Variants in PHTF1 observed in about 807,000 individuals in gnomAD.
PHTF1 encodes protein PHTF1.
A neutral mutation model predicts 102.4 loss-of-function variants in PHTF1; 88 were observed. The ratio of observed to expected loss-of-function variants is 0.86; its 90% CI spans 0.72 to 1.03. The LOEUF (loss-of-function observed/expected upper bound fraction) is 1.03. Among genes scored for constraint, PHTF1 ranks in the 50% least tolerant of loss-of-function variants. The pLI is 0.00. For synonymous variants in PHTF1, 289 were observed against 305.2 expected, an observed-to-expected ratio of 0.95 and a Z score of 0.55; for missense variants, 814 against 909.5, an observed-to-expected ratio of 0.89 and a Z score of 1.35.
chr1:113,718,623 C>T (rs1652442029), intron 7 of PHTF1, among the ~76,000 whole-genome samples: 1 of 152,230 alleles, frequency 6.6e-6, no homozygotes, highest in South Asian at 2.1e-4. Context: ...GCAGAGGTTC[C>T]CAAACCTCAA....
intron 7 of PHTF1, among the ~76,000 whole-genome samples, chr1:113,719,587 C>G (rs1652597244): frequency 6.6e-6 from 1 of 152,208 alleles, no homozygotes; most frequent in South Asian, 2.1e-4. Context: ...TCTGTTACCA[C>G]CTCAGCCTAG....
chr1:113,757,044 G>C (rs532982906), intron 3 of PHTF1, among the ~76,000 whole-genome samples: 5 of 152,260 alleles, frequency 3.3e-5, no homozygotes, highest in South Asian at 2.1e-4. Context: ...GTGGGCGCCT[G>C]TAGTCCCAGC....
At chr1:113,720,005 T>C (rs1652661610) in intron 7 of PHTF1, among the ~76,000 whole-genome samples, 1 of 152,136 alleles carries the variant, frequency 6.6e-6, no homozygotes, top group African/African-American at 2.4e-5. Context: ...TTGTGAGACT[T>C]ATTCACTATC....
chr1:113,747,949 T>A (rs1416735362), intron 3 of PHTF1, among the ~76,000 whole-genome samples: 1 of 152,184 alleles, frequency 6.6e-6, no homozygotes, highest in Non-Finnish European at 1.5e-5. Flanking sequence ...TGATAATGTT[T>A]CTCAGTGCTG....
chr1:113,740,301 T>C (rs867001781), intron 3 of PHTF1, among the ~76,000 whole-genome samples: 12 of 152,190 alleles, frequency 7.9e-5, no homozygotes, highest in South Asian at 6.2e-4. Flanking sequence ...GCGGTTTTGA[T>C]TTGCATTTCC....
At chr1:113,736,234 C>T (rs1327761875) in intron 5 of PHTF1, among the ~76,000 whole-genome samples, 1 of 150,364 alleles carries the variant, frequency 6.7e-6, no homozygotes, top group Non-Finnish European at 1.5e-5. Context: ...CCCAGCTACT[C>T]GGGAGGCTGA....
chr1:113,700,235 A>G, intron 16 of PHTF1: 1 of 813,014 alleles, frequency 1.2e-6, no homozygotes, highest in Non-Finnish European at 1.5e-6. Flanking sequence ...AGAATTCTCC[A>G]TTACGATTCT....
chr1:113,721,354 T>G (rs1188476451), intron 7 of PHTF1, among the ~76,000 whole-genome samples: 1 of 152,006 alleles, frequency 6.6e-6, no homozygotes, highest in Non-Finnish European at 1.5e-5. Flanking sequence ...GGAACATACC[T>G]CAAAACAATA....
Position 113,738,226 on chromosome 1 carries a change from G to GATGT in PHTF1, c.211_214dup (p.Ser72TyrfsTer57). The GATGT allele has an allele frequency of 6.2e-7, 1 of 1,613,774 alleles. No individual in the cohort carries two copies. Among genetic ancestry groups the GATGT allele is most frequent in the Admixed American group, 1.7e-5 (1 of 60,000 alleles). On this transcript the variant is annotated frameshift_variant, in exon 5 of 19. Coordinates refer to ENST00000369604, the MANE Select transcript of PHTF1 (RefSeq NM_001323043.2). LOFTEE classifies it high-confidence loss of function. Reference sequence around the variant, plus strand: ...TCGAACAAGCCCCTTCCGAGTCAGAGATGTCCATGGAATTTCAGGTTTTGC... The same window carrying GATGT: ...TCGAACAAGCCCCTTCCGAGTCAGAGATGTATGTCCATGGAATTTCAGGTTTTGC...
At chr1:113,699,148 G>A in intron 17 of PHTF1, 1 of 187,114 alleles carries the variant, frequency 5.3e-6, no homozygotes, top group Non-Finnish European at 1.1e-5. Context: ...GGCCAAGACA[G>A]TACCAACGCC....
At chr1:113,731,672 T>A (rs1431993379) in intron 5 of PHTF1, among the ~76,000 whole-genome samples, 1 of 151,632 alleles carries the variant, frequency 6.6e-6, no homozygotes, top group East Asian at 1.9e-4. Flanking sequence ...GGCGGAAGGG[T>A]CACCTGAGGT....
At chr1:113,735,820 T>C (rs888427148) in intron 5 of PHTF1, among the ~76,000 whole-genome samples, 2 of 152,230 alleles carry the variant, frequency 1.3e-5, no homozygotes, top group African/African-American at 4.8e-5. Context: ...CATAATTCTT[T>C]CACCTTAACC....
intron 3 of PHTF1, among the ~76,000 whole-genome samples, chr1:113,739,929 A>G (rs1383552973): frequency 6.6e-6 from 1 of 152,244 alleles, no homozygotes; most frequent in Admixed American, 6.5e-5. Context: ...TCTTACAGCT[A>G]AATAGTATTC....
intron 5 of PHTF1, among the ~76,000 whole-genome samples, chr1:113,734,233 C>CTGGG (rs1308036420): frequency 1.8e-4 from 28 of 152,242 alleles, no homozygotes; most frequent in African/African-American, 5.3e-4. Flanking sequence ...GTACTTCAGC[C>CTGGG]TGGGCAACAG....
chr1:113,730,456 C>T (rs1053596249), intron 5 of PHTF1, among the ~76,000 whole-genome samples: 3 of 152,102 alleles, frequency 2.0e-5, no homozygotes, highest in Admixed American at 6.5e-5. Context: ...TATCATTTAA[C>T]GTTACTCTGA....
At chr1:113,742,576 G>A (rs1437803975) in intron 3 of PHTF1, among the ~76,000 whole-genome samples, 4 of 151,962 alleles carry the variant, frequency 2.6e-5, no homozygotes, top group Non-Finnish European at 4.4e-5. Context: ...AGCCAAGATC[G>A]CGCCATTGCA....
chr1:113,697,732 G>A lies in PHTF1; in HGVS notation c.2269-7C>T, dbSNP rs370804267. 29 of 1,601,786 alleles carry A rather than the reference G, an allele frequency of 1.8e-5. No homozygotes were observed. In the African/African-American group the frequency reaches 3.5e-4, roughly 19 times the overall value. On this transcript the variant is annotated splice_region_variant and splice_polypyrimidine_tract_variant and intron_variant, in intron 18 of 18. Coordinates refer to ENST00000369604, the MANE Select transcript of PHTF1 (RefSeq NM_001323043.2). Reference sequence around the variant, plus strand: ...ATGATTTAATTTTCCACAGCTAAGAGAACAAAATCACCAAAATAAGTTAGT... The same window carrying A: ...ATGATTTAATTTTCCACAGCTAAGAAAACAAAATCACCAAAATAAGTTAGT...
intron 2 of PHTF1, 149 bp downstream of exon 2, chr1:113,758,510 A>C: frequency 2.3e-6 from 1 of 443,064 alleles, no homozygotes; most frequent in Non-Finnish European, 3.9e-6. Context: ...ATGACCTTGT[A>C]CATCTTTTTT....
intron 11 of PHTF1, among the ~76,000 whole-genome samples, chr1:113,709,826 T>C (rs531214156): frequency 2.0e-5 from 3 of 152,334 alleles, no homozygotes; most frequent in South Asian, 2.1e-4. Context: ...GACTTTATGA[T>C]ATTAATATAA....
Sources: allele counts gnomAD v4.1 joint callset (sites outside exome capture counted in the v4.1 genomes callset), GRCh38; gene constraint gnomAD v4.1.1; transcripts MANE v1.5; gene names NCBI Gene and HGNC (gene_info 2026-07-23, HGNC 2026-07-21).